ACSM2B: variants seen among roughly 807,000 people sequenced by gnomAD.
The protein encoded by ACSM2B is acyl-coenzyme A synthetase ACSM2B, mitochondrial.
ACSM2B carries 58 observed loss-of-function variants against 78.6 expected under a neutral mutation model. The ratio of observed to expected loss-of-function variants is 0.74; its 90% CI spans 0.60 to 0.92. The LOEUF (loss-of-function observed/expected upper bound fraction) is 0.92. Ranked by LOEUF, ACSM2B falls within the 40% of genes least tolerant of loss-of-function variation. ACSM2B has a pLI of 0.00. For missense variants in ACSM2B, 688 were observed against 711.2 expected, an observed-to-expected ratio of 0.97 and a Z score of 0.37; for synonymous variants, 257 against 256.8, an observed-to-expected ratio of 1.00 and a Z score of -0.01.
chr16:20,545,608 T>C (rs576974657), intron 9 of ACSM2B, among the ~76,000 whole-genome samples: 6 of 152,300 alleles, frequency 3.9e-5, no homozygotes, highest in Admixed American at 6.5e-5. Context: ...TCTGCTACCT[T>C]ACTAGCTGAC....
intron 2 of ACSM2B, 146 bp downstream of exon 2, chr16:20,564,523 C>T (rs2015761033): frequency 2.1e-6 from 3 of 1,462,298 alleles, no homozygotes; most frequent in Non-Finnish European, 1.8e-6. Flanking sequence ...TACCATACTG[C>T]CTTCATGGAA....
chr16:20,570,836 C>G (rs2016071840), intron 1 of ACSM2B, among the ~76,000 whole-genome samples: 1 of 151,892 alleles, frequency 6.6e-6, no homozygotes, highest in Non-Finnish European at 1.5e-5. Flanking sequence ...TCCATCTCCT[C>G]TAAGTTTTTT....
At position 20,537,018 on chromosome 16, in the gene ACSM2B, C is replaced by T. The variant is rs1384164794; in HGVS notation, c.*240G>A. The T allele has an allele frequency of 5.0e-6, 2 of 403,976 alleles. No homozygotes were observed. Among genetic ancestry groups the T allele is most frequent in the Non-Finnish European group, 8.6e-6 (2 of 232,452 alleles). 25.0% of individuals were successfully genotyped at this position (403,976 alleles called of 1,614,324 possible). On this transcript the variant is annotated 3_prime_UTR_variant, in exon 14 of 14. Transcript: ENST00000329697. ...TTTCTCTTGCAGTTTTTAACATTTC[C>T]CTGACTTACTTTTCTTTCCTCTTTT...
chr16:20,554,923 G>T (rs1195403371), intron 4 of ACSM2B, among the ~76,000 whole-genome samples: 1 of 152,078 alleles, frequency 6.6e-6, no homozygotes, highest in African/African-American at 2.4e-5. Flanking sequence ...CACTCTTCAC[G>T]CATGAGTGCG....
In ACSM2B at chr16:20,553,851, A is replaced by G; in HGVS notation, c.666T>C (p.Ser222=). ...CCATCTTGGGAAGACCACTGGTCCC[A>G]CTAGTGAAGTAGATGGCAGATGCTT... ...SQEASAIYFT[S]GTSGLPKMAE... Residue 222 remains serine (S), a synonymous_variant, in exon 5 of 14, where the codon AGT becomes AGC. Transcript: ENST00000329697. 3.7e-6 allele frequency: 6 copies of G among 1,613,982 alleles called. No individual in the cohort carries two copies. The highest frequency in any genetic ancestry group is 2.2e-5 in the South Asian group (2 of 91,078).
At chr16:20,550,209 T>TG (rs1328092348) in intron 6 of ACSM2B, among the ~76,000 whole-genome samples, 1 of 152,076 alleles carries the variant, frequency 6.6e-6, no homozygotes, top group East Asian at 1.9e-4. Context: ...TCATGAGTTT[T>TG]GGGGGGCACA....
intron 1 of ACSM2B, among the ~76,000 whole-genome samples, chr16:20,566,558 A>G (rs2015853566): frequency 9.8e-6 from 1 of 101,780 alleles, no homozygotes; most frequent in Non-Finnish European, 1.8e-5. Context: ...TATACTATAT[A>G]TAGTATATAA....
intron 1 of ACSM2B, among the ~76,000 whole-genome samples, chr16:20,566,670 TATATAC>T (rs2015867535): frequency 2.7e-5 from 1 of 37,180 alleles, no homozygotes; most frequent in Non-Finnish European, 3.6e-5. Context: ...GTATATATAG[TATATAC>T]ATATAGTATA....
chr16:20,572,375 TG>T (rs2016114444), intron 1 of ACSM2B, among the ~76,000 whole-genome samples: 1 of 141,934 alleles, frequency 7.0e-6, no homozygotes, highest in Non-Finnish European at 1.5e-5. Context: ...GCTGATAATT[TG>T]TTTTTAAGGA....
At chr16:20,541,493 G>C (rs2014987163) in intron 12 of ACSM2B, among the ~76,000 whole-genome samples, 3 of 151,834 alleles carry the variant, frequency 2.0e-5, no homozygotes, top group African/African-American at 7.3e-5. Context: ...GTGGCACAGG[G>C]GCTCTATCCT....
intron 4 of ACSM2B, chr16:20,554,156 T>G (rs1481300574): frequency 2.5e-5 from 17 of 686,040 alleles, no homozygotes; most frequent in East Asian, 8.8e-5. Flanking sequence ...CTTATTTAAC[T>G]TCTCTGTGTC....
In ACSM2B at chr16:20,555,485, G is replaced by T. The variant is rs368213752; in HGVS notation, c.389-9C>A. The T allele has an allele frequency of 2.5e-6, 4 of 1,611,106 alleles. No homozygotes were observed. Among genetic ancestry groups the T allele is most frequent in the Non-Finnish European group, 3.4e-6 (4 of 1,177,950 alleles). On this transcript the variant is annotated splice_polypyrimidine_tract_variant and intron_variant, in intron 3 of 13. Transcript: ENST00000329697. ...AGGCATAAAGATGAGACCTAAAGAA[G>T]CCAACAATTTAGAGAATTGGAAAGG...
intron 12 of ACSM2B, 53 bp from the exon 13 acceptor site, chr16:20,540,826 C>T (rs1243295818): frequency 5.7e-6 from 9 of 1,584,938 alleles, no homozygotes; most frequent in Non-Finnish European, 7.8e-6. Context: ...GTAGTCATCT[C>T]CTGGAATAAT....
At chr16:20,548,287 A>C in intron 7 of ACSM2B, 102 bp from the exon 8 acceptor site, 3 of 1,607,786 alleles carry the variant, frequency 1.9e-6, no homozygotes, top group South Asian at 2.2e-5. Context: ...AAATGGCTTC[A>C]TGGGGCTCTC....
intron 1 of ACSM2B, among the ~76,000 whole-genome samples, chr16:20,566,247 T>TTATATA (rs200052689): frequency 0.057 from 3,932 of 69,500 alleles, 110 homozygotes; most frequent in Non-Finnish European, 0.072. Flanking sequence ...TCATGGAAGA[T>TTATATA]TATATATATA....
intron 6 of ACSM2B, among the ~76,000 whole-genome samples, chr16:20,550,380 G>T (rs1301152570): frequency 6.6e-6 from 1 of 152,020 alleles, no homozygotes; most frequent in Non-Finnish European, 1.5e-5. Context: ...AGCTCAACTT[G>T]CAACTACATA....
chr16:20,546,304 T>C (rs1419256620), intron 9 of ACSM2B, 90 bp downstream of exon 9: 1 of 1,498,724 alleles, frequency 6.7e-7, no homozygotes, highest in Admixed American at 2.0e-5. Context: ...TACTTTCTAT[T>C]ATTTTTGACT....
chr16:20,575,623 G>C (rs368585635), intron 1 of ACSM2B: 2 of 150,396 alleles, frequency 1.3e-5, no homozygotes, highest in Non-Finnish European at 3.0e-5. Flanking sequence ...TGCTGGATTA[G>C]GTGGTGCCTA....
intron 1 of ACSM2B, among the ~76,000 whole-genome samples, chr16:20,566,544 A>G (rs183422513): frequency 9.6e-6 from 1 of 103,764 alleles, no homozygotes; most frequent in Non-Finnish European, 1.8e-5. Flanking sequence ...ATACTATATA[A>G]CTATATACTA....
Sources: gnomAD v4.1 joint callset for allele counts (sites outside exome capture counted in the v4.1 genomes callset) on GRCh38, gnomAD v4.1.1 for gene constraint, MANE v1.5 for transcripts, NCBI Gene and HGNC (gene_info 2026-07-23, HGNC 2026-07-21) for gene names.